The following EML4 variants were observed in gnomAD, a reference collection of about 807,000 sequenced individuals.
The protein encoded by EML4 is echinoderm microtubule-associated protein-like 4.
A neutral mutation model predicts 129.0 loss-of-function variants in EML4; 72 were observed. The observed-to-expected ratio is 0.56, with a 90% CI of 0.46 to 0.68. The LOEUF is 0.68. Ranked by LOEUF, EML4 falls within the 30% of genes least tolerant of loss-of-function variation. EML4 has a pLI of 0.00. For synonymous variants in EML4, 532 were observed against 405.0 expected (o/e 1.31, Z -3.77); for missense variants, 1,363 against 1,190.6 (o/e 1.14, Z -2.13).
rs1670028042 is a variant in EML4, at chr2:42,330,143, T to A, written c.2882T>A (p.Ile961Lys). ...CTTTATGAAGAGCCATGCAACGAGA[T>A]AAGCAAGGAGCAGGCCAAAGCCACC... ...EPLYEEPCNE[I>K]SKEQAKATLL... The change falls in exon 23 of 23, where the codon ATA becomes AAA. Residue 961 changes from isoleucine (I) to lysine (K), a missense_variant. By Grantham distance (102) the Ile-to-Lys change is moderately radical (BLOSUM62 -3). Transcript: ENST00000318522. The A allele has an allele frequency of 1.9e-6, 3 of 1,611,770 alleles. No individual in the cohort carries two copies. The highest frequency in any genetic ancestry group is 2.5e-6 in the Non-Finnish European group (3 of 1,179,628).
chr2:42,198,745 TG>T (rs150049300), intron 1 of EML4, among the ~76,000 whole-genome samples: 1,934 of 152,194 alleles, frequency 0.013, 24 homozygotes, highest in Admixed American at 0.023. Flanking sequence ...CAATGGGAGT[TG>T]GAGTTCACTT....
chr2:42,322,459 G>GT (rs886721946), intron 19 of EML4, among the ~76,000 whole-genome samples: 8 of 152,174 alleles, frequency 5.3e-5, no homozygotes, highest in African/African-American at 1.9e-4. Flanking sequence ...TTGCTTGGTT[G>GT]TTTTTTAACT....
chr2:42,227,634 T>C (rs1674056027), intron 1 of EML4, among the ~76,000 whole-genome samples: 1 of 152,126 alleles, frequency 6.6e-6, no homozygotes, highest in Non-Finnish European at 1.5e-5. Context: ...TGGGTCCACT[T>C]ATATAAGGAT....
At chr2:42,182,908 G>T (rs1051781337) in intron 1 of EML4, among the ~76,000 whole-genome samples, 1 of 152,098 alleles carries the variant, frequency 6.6e-6, no homozygotes, top group Admixed American at 6.6e-5. Context: ...TATCACTGGT[G>T]CCTGTGTGTC....
chr2:42,235,238 G>A (rs1039035557), intron 1 of EML4, among the ~76,000 whole-genome samples: 2 of 151,774 alleles, frequency 1.3e-5, no homozygotes, highest in Admixed American at 6.6e-5. Context: ...AGAGGTTGCA[G>A]TGAGCCGAGA....
chr2:42,315,891 G>GA, intron 17 of EML4, 71 bp from the exon 18 acceptor site: 1 of 1,154,500 alleles, frequency 8.7e-7, no homozygotes, highest in Non-Finnish European at 1.3e-6. Flanking sequence ...AAAAAAAAAA[G>GA]AAAAAGAACA....
intron 11 of EML4, among the ~76,000 whole-genome samples, 160 bp from the exon 12 acceptor site, chr2:42,294,965 A>G (rs1257762695): frequency 1.3e-5 from 2 of 152,218 alleles, no homozygotes; most frequent in Non-Finnish European, 2.9e-5. Context: ...AATCATCCCA[A>G]AAAATACATT....
intron 1 of EML4, among the ~76,000 whole-genome samples, chr2:42,182,195 A>T (rs891634401): frequency 9.8e-5 from 14 of 142,694 alleles, no homozygotes; most frequent in Non-Finnish European, 1.6e-4. Flanking sequence ...TTTAGGGTAC[A>T]TGTGCACATT....
intron 1 of EML4, among the ~76,000 whole-genome samples, chr2:42,235,425 C>T (rs748128973): frequency 2.6e-5 from 4 of 152,014 alleles, no homozygotes; most frequent in African/African-American, 9.7e-5. Context: ...ATCATGCCAC[C>T]GTACTCCAGC....
chr2:42,215,105 G>T (rs891130389), intron 1 of EML4, among the ~76,000 whole-genome samples: 1 of 152,148 alleles, frequency 6.6e-6, no homozygotes, highest in African/African-American at 2.4e-5. Context: ...TGTCACCCAG[G>T]TTGGAATGCA....
chr2:42,239,274 A>G (rs772563972), intron 1 of EML4, among the ~76,000 whole-genome samples: 2 of 152,202 alleles, frequency 1.3e-5, no homozygotes, highest in Non-Finnish European at 2.9e-5. Context: ...ATGTGTAGGC[A>G]TGTCTTATTC....
At chr2:42,247,572 A>G (rs182271575) in intron 2 of EML4, among the ~76,000 whole-genome samples, 3 of 152,294 alleles carry the variant, frequency 2.0e-5, no homozygotes, top group Non-Finnish European at 2.9e-5. Flanking sequence ...AAATATGTCA[A>G]TGACAAAGGA....
intron 1 of EML4, among the ~76,000 whole-genome samples, chr2:42,210,518 A>G (rs567420555): frequency 2.1e-4 from 32 of 152,158 alleles, no homozygotes; most frequent in African/African-American, 7.2e-4. Flanking sequence ...TCTGTACTGT[A>G]CTCTTTGGAA....
chr2:42,245,166 C>A (rs1430837499), intron 1 of EML4, among the ~76,000 whole-genome samples: 1 of 128,118 alleles, frequency 7.8e-6, no homozygotes, highest in East Asian at 2.4e-4. Context: ...GCAATCTCAG[C>A]TCACTGCACC....
intron 17 of EML4, among the ~76,000 whole-genome samples, chr2:42,312,083 C>T (rs1486344398): frequency 2.0e-5 from 3 of 152,092 alleles, no homozygotes; most frequent in Non-Finnish European, 4.4e-5. Context: ...AGTTTTCCTG[C>T]TTATTAGCAT....
intron 1 of EML4, among the ~76,000 whole-genome samples, chr2:42,189,097 G>A (rs1424403341): frequency 6.6e-6 from 1 of 151,908 alleles, no homozygotes; most frequent in Non-Finnish European, 1.5e-5. Context: ...AAATTCCTGG[G>A]CTCAAGCAGT....
chr2:42,209,171 T>G (rs1672736646), intron 1 of EML4, among the ~76,000 whole-genome samples: 1 of 152,222 alleles, frequency 6.6e-6, no homozygotes. Context: ...ATTTGGAAAC[T>G]CAAGGCCCTA....
chr2:42,287,311 G>A (rs1001707458), intron 10 of EML4, among the ~76,000 whole-genome samples: 1 of 152,088 alleles, frequency 6.6e-6, no homozygotes, highest in Non-Finnish European at 1.5e-5. Context: ...GGAGATAAGA[G>A]GTCATAAAGG....
At chr2:42,217,363 G>C (rs1201104544) in intron 1 of EML4, among the ~76,000 whole-genome samples, 2 of 151,994 alleles carry the variant, frequency 1.3e-5, no homozygotes, top group African/African-American at 4.8e-5. Flanking sequence ...TGATTGTCAA[G>C]ATTCGTTCTT....
Sources: gnomAD v4.1 joint callset for allele counts (sites outside exome capture counted in the v4.1 genomes callset) on GRCh38, gnomAD v4.1.1 for gene constraint, MANE v1.5 for transcripts, NCBI Gene and HGNC (gene_info 2026-07-23, HGNC 2026-07-21) for gene names.